Variants in ADK observed in about 807,000 individuals in gnomAD.
The protein encoded by ADK is adenosine kinase.
ADK carries 24 observed loss-of-function variants against 44.7 expected under a neutral mutation model. The ratio of observed to expected loss-of-function variants is 0.54; its 90% confidence interval spans 0.39 to 0.76. The LOEUF (loss-of-function observed/expected upper bound fraction) is 0.76. ADK is among the 30% of genes least tolerant of loss of function. ADK has a pLI of 0.00. For missense variants in ADK, 321 were observed against 425.1 expected (o/e 0.76, Z 2.15); for synonymous variants, 128 against 142.6 (o/e 0.90, Z 0.73).
chr10:74,589,129 G>T (rs529521636), intron 7 of ADK, among the ~76,000 whole-genome samples, 153 bp from the exon 8 acceptor site: 30 of 152,178 alleles, frequency 2.0e-4, no homozygotes, highest in South Asian at 1.0e-3. Context: ...AGGGAAAAAA[G>T]AAATCTTTAT....
chr10:74,626,949 G>T (rs1236976362), intron 9 of ADK, among the ~76,000 whole-genome samples: 1 of 152,064 alleles, frequency 6.6e-6, no homozygotes. Flanking sequence ...CATGGCCTTG[G>T]TTTTCTGTTT....
chr10:74,666,332 C>T (rs569221683), intron 9 of ADK, among the ~76,000 whole-genome samples: 20 of 152,210 alleles, frequency 1.3e-4, no homozygotes, highest in Admixed American at 6.5e-5. Context: ...AGGCACTCTG[C>T]AAGTCTTATC....
Position 74,619,329 on chromosome 10 carries a change from C to T in ADK, c.877+18836C>T, listed in dbSNP as rs1426811691. ...AATTACCTGGGCATGGTGGCAGGTG[C>T]CTGTACTCCCAGCTACTTGGGAGAC... On this transcript the variant is annotated intron_variant, in intron 9 of 10. Transcript: ENST00000539909. Among the ~76,000 whole-genome samples the T allele has an allele frequency of 2.6e-5, 4 of 152,132 alleles. 1 individual carries two copies. In the South Asian group the frequency reaches 6.2e-4, roughly 24 times the overall value.
At chr10:74,614,711 C>T (rs555047310) in intron 9 of ADK, among the ~76,000 whole-genome samples, 1 of 151,282 alleles carries the variant, frequency 6.6e-6, no homozygotes, top group African/African-American at 2.4e-5. Context: ...CATAAGATCC[C>T]CCGGGCTCAC....
intron 5 of ADK, among the ~76,000 whole-genome samples, chr10:74,396,839 C>G (rs1843532896): frequency 1.3e-5 from 2 of 151,840 alleles, no homozygotes; most frequent in Admixed American, 1.3e-4. Context: ...ACTTGTAATC[C>G]CAGCTACTTG....
chr10:74,552,487 G>GGGGGTGAT (rs1850069222), intron 7 of ADK, among the ~76,000 whole-genome samples: 1 of 152,140 alleles, frequency 6.6e-6, no homozygotes, highest in Non-Finnish European at 1.5e-5. Context: ...GGTATCTTTT[G>GGGGGTGAT]GGGGTGATGT....
At chr10:74,627,296 C>T (rs761999408) in intron 9 of ADK, among the ~76,000 whole-genome samples, 4 of 151,944 alleles carry the variant, frequency 2.6e-5, no homozygotes, top group African/African-American at 4.8e-5. Context: ...AGAAACATAG[C>T]GAGACCTCAT....
intron 1 of ADK, chr10:74,174,625 A>C (rs956068150): frequency 6.6e-6 from 1 of 152,246 alleles, no homozygotes; most frequent in Non-Finnish European, 1.5e-5. Flanking sequence ...GAAGGTGGGT[A>C]ACTCTAGCCA....
chr10:74,188,315 GA>G (rs1478197202), intron 1 of ADK, among the ~76,000 whole-genome samples: 2 of 129,230 alleles, frequency 1.5e-5, no homozygotes, highest in East Asian at 4.1e-4. Context: ...TTGTTTTGTT[GA>G]ATTTCTATTT....
chr10:74,363,156 C>G (rs549840127), intron 4 of ADK, among the ~76,000 whole-genome samples: 1 of 152,182 alleles, frequency 6.6e-6, no homozygotes, highest in Admixed American at 6.5e-5. Context: ...AGACTGGGCC[C>G]CTTCAGTATC....
At chr10:74,568,870 C>T (rs1245588949) in intron 7 of ADK, among the ~76,000 whole-genome samples, 1 of 151,930 alleles carries the variant, frequency 6.6e-6, no homozygotes, top group Non-Finnish European at 1.5e-5. Context: ...TGGTGTGCTG[C>T]ACCCAGTGAC....
chr10:74,222,917 C>T (rs537108114), intron 2 of ADK, among the ~76,000 whole-genome samples: 102 of 151,774 alleles, frequency 6.7e-4, no homozygotes, highest in African/African-American at 2.3e-3. Context: ...TGCTAGATGA[C>T]GAGTTAGTGG....
At chr10:74,323,446 T>C (rs765354845) in intron 4 of ADK, among the ~76,000 whole-genome samples, 3 of 152,348 alleles carry the variant, frequency 2.0e-5, no homozygotes, top group Non-Finnish European at 4.4e-5. Flanking sequence ...AGCAACTTTA[T>C]TGGAATATAG....
intron 9 of ADK, among the ~76,000 whole-genome samples, chr10:74,638,860 A>G (rs1271156967): frequency 6.6e-6 from 1 of 152,088 alleles, no homozygotes; most frequent in African/African-American, 2.4e-5. Flanking sequence ...GCTGGAGTAC[A>G]GTGGCACAAT....
At chr10:74,473,016 G>T (rs1414914859) in intron 6 of ADK, among the ~76,000 whole-genome samples, 2 of 151,868 alleles carry the variant, frequency 1.3e-5, no homozygotes, top group Non-Finnish European at 2.9e-5. Flanking sequence ...TTGAGATAGG[G>T]TCTCACTCTG....
At chr10:74,311,784 A>G (rs1226409160) in intron 3 of ADK, among the ~76,000 whole-genome samples, 1 of 152,214 alleles carries the variant, frequency 6.6e-6, no homozygotes, top group East Asian at 1.9e-4. Context: ...TTTGAGAGAT[A>G]CTGTAATCAT....
chr10:74,190,916 A>G (rs552777630), intron 1 of ADK, among the ~76,000 whole-genome samples: 1 of 151,886 alleles, frequency 6.6e-6, no homozygotes, highest in African/African-American at 2.4e-5. Flanking sequence ...TTTTGAATAA[A>G]TGCTCCTTGG....
intron 1 of ADK, among the ~76,000 whole-genome samples, chr10:74,159,655 C>T (rs938036700): frequency 2.6e-5 from 4 of 151,856 alleles, no homozygotes; most frequent in African/African-American, 9.7e-5. Flanking sequence ...TGCGGTGGCA[C>T]GATCTCAGCT....
intron 2 of ADK, among the ~76,000 whole-genome samples, chr10:74,207,377 CTGTT>C (rs1361180522): frequency 6.6e-6 from 1 of 152,154 alleles, no homozygotes; most frequent in East Asian, 1.9e-4. Flanking sequence ...TATTTTAGCT[CTGTT>C]TGTGTTACAG....
Sources: gnomAD v4.1 joint callset for allele counts (sites outside exome capture counted in the v4.1 genomes callset) on GRCh38, gnomAD v4.1.1 for gene constraint, MANE v1.5 for transcripts, NCBI Gene and HGNC (gene_info 2026-07-23, HGNC 2026-07-21) for gene names.